Variants in MEOX2 observed in about 807,000 individuals in gnomAD.
The protein encoded by MEOX2 is homeobox protein MOX-2.
MEOX2 carries 11 observed loss-of-function variants against 27.0 expected under a neutral mutation model. The observed-to-expected ratio is 0.41, with a 90% CI of 0.26 to 0.68. The LOEUF (loss-of-function observed/expected upper bound fraction) is 0.68, where lower values mean the gene tolerates loss of function less well. Ranked by LOEUF, MEOX2 falls within the 30% of genes least tolerant of loss-of-function variation. MEOX2 has a pLI of 0.33. For synonymous variants in MEOX2, 189 were observed against 155.4 expected (o/e 1.22, Z -1.61); for missense variants, 436 against 385.4 (o/e 1.13, Z -1.10).
chr7:15,634,164 A>G (rs956727219), intron 1 of MEOX2, among the ~76,000 whole-genome samples: 3 of 151,990 alleles, frequency 2.0e-5, no homozygotes, highest in African/African-American at 4.8e-5. Flanking sequence ...ATACGAAGTG[A>G]AGGAACATAT....
chr7:15,627,052 C>A, intron 1 of MEOX2, 134 bp from the exon 2 acceptor site: 2 of 743,176 alleles, frequency 2.7e-6, no homozygotes, highest in East Asian at 2.7e-5. Context: ...CCAAAGACAG[C>A]AAGACTGACG....
chr7:15,624,191 C>T (rs1349813627), intron 2 of MEOX2, among the ~76,000 whole-genome samples: 1 of 152,108 alleles, frequency 6.6e-6, no homozygotes, highest in Non-Finnish European at 1.5e-5. Context: ...TTTTGACTAA[C>T]CCAGGGAGGC....
chr7:15,643,696 C>T (rs1781597920), intron 1 of MEOX2, among the ~76,000 whole-genome samples: 1 of 152,184 alleles, frequency 6.6e-6, no homozygotes, highest in South Asian at 2.1e-4. Flanking sequence ...CTTCACATTA[C>T]AGTTTCATGA....
At chr7:15,640,683 A>G (rs1322253093) in intron 1 of MEOX2, among the ~76,000 whole-genome samples, 1 of 152,058 alleles carries the variant, frequency 6.6e-6, no homozygotes, top group Non-Finnish European at 1.5e-5. Flanking sequence ...GGCTCTTAGT[A>G]TTTTGAAGTA....
intron 1 of MEOX2, among the ~76,000 whole-genome samples, chr7:15,653,378 G>C (rs367792418): frequency 1.3e-5 from 2 of 151,578 alleles, no homozygotes; most frequent in Admixed American, 6.6e-5. Flanking sequence ...TTTGATGTTC[G>C]TCCTTTATCA....
At chr7:15,672,709 G>A (rs1006445745) in intron 1 of MEOX2, among the ~76,000 whole-genome samples, 2 of 151,882 alleles carry the variant, frequency 1.3e-5, no homozygotes, top group Non-Finnish European at 2.9e-5. Flanking sequence ...TGGCTAAAAT[G>A]GTGAAACCCC....
At chr7:15,627,810 C>CACACACACACACACACACAT (rs1781339436) in intron 1 of MEOX2, among the ~76,000 whole-genome samples, 2 of 151,520 alleles carry the variant, frequency 1.3e-5, no homozygotes, top group South Asian at 2.1e-4. Context: ...CAATAGTAAA[C>CACACACACACACACACACAT]ACACACACAC....
At chr7:15,662,867 A>G (rs897657243) in intron 1 of MEOX2, among the ~76,000 whole-genome samples, 1 of 152,202 alleles carries the variant, frequency 6.6e-6, no homozygotes, top group Non-Finnish European at 1.5e-5. Context: ...AAACCAATCA[A>G]TGATTCCCAT....
At chr7:15,649,433 T>C (rs1334067519) in intron 1 of MEOX2, among the ~76,000 whole-genome samples, 1 of 152,004 alleles carries the variant, frequency 6.6e-6, no homozygotes, top group Admixed American at 6.6e-5. Context: ...CTATGGATGA[T>C]GAAAGATGGA....
chr7:15,627,918 TTAATGCTC>T (rs2115361237), intron 1 of MEOX2, among the ~76,000 whole-genome samples: 1 of 151,894 alleles, frequency 6.6e-6, no homozygotes, highest in Non-Finnish European at 1.5e-5. Context: ...AAAGGGCACA[TTAATGCTC>T]TCCTGAAAAT....
At position 15,686,606 on chromosome 7, in the gene MEOX2, G is replaced by T. The variant is rs1782392665; in HGVS notation, c.-204C>A. 3 of 587,480 alleles carry T rather than the reference G, an allele frequency of 5.1e-6. No homozygotes were observed. In the African/African-American group the frequency reaches 5.6e-5, roughly 11 times the overall value. 36.4% of individuals were successfully genotyped at this position (587,480 alleles called of 1,614,324 possible). On this transcript the variant is annotated 5_prime_UTR_variant, in exon 1 of 3. Transcript: ENST00000262041. Reference sequence around the variant, plus strand: ...TACATATGAACAGTCGGACCTGGAAGAGCTTCCCTGAGCTACTCAGATGTC... The same window carrying T: ...TACATATGAACAGTCGGACCTGGAATAGCTTCCCTGAGCTACTCAGATGTC...
At chr7:15,653,611 T>A (rs1781773887) in intron 1 of MEOX2, among the ~76,000 whole-genome samples, 1 of 152,046 alleles carries the variant, frequency 6.6e-6, no homozygotes, top group African/African-American at 2.4e-5. Flanking sequence ...CATAAGTGAA[T>A]GTTTTGCATT....
At chr7:15,620,457 A>G (rs567001488) in intron 2 of MEOX2, among the ~76,000 whole-genome samples, 1 of 151,902 alleles carries the variant, frequency 6.6e-6, no homozygotes, top group Non-Finnish European at 1.5e-5. Context: ...AGTCCCAACT[A>G]CTCTACTCGG....
chr7:15,638,981 C>A lies in MEOX2; in HGVS notation c.518-12063G>T, dbSNP rs75991219. On this transcript the variant is annotated intron_variant, in intron 1 of 2. Transcript: ENST00000262041. ...GACTTTTTGATACAATTATTCCTTT[C>A]CCTTTGGGTAGATACCCGGTAGTGG... Among the ~76,000 whole-genome samples, 869 of 152,096 alleles carry A rather than the reference C, an allele frequency of 5.7e-3. 9 individuals are homozygous for A. Among genetic ancestry groups the A allele is most frequent in the African/African-American group, 0.02 (820 of 41,530 alleles).
chr7:15,646,225 G>A (rs1408450398), intron 1 of MEOX2, among the ~76,000 whole-genome samples: 1 of 151,958 alleles, frequency 6.6e-6, no homozygotes, highest in African/African-American at 2.4e-5. Context: ...GAACAAATGG[G>A]ATAATATACG....
chr7:15,680,266 A>G (rs1445733291), intron 1 of MEOX2: 1 of 151,970 alleles, frequency 6.6e-6, no homozygotes, highest in Non-Finnish European at 1.5e-5. Flanking sequence ...GGATCAATAG[A>G]TACATTATTG....
intron 2 of MEOX2, among the ~76,000 whole-genome samples, chr7:15,618,740 T>C (rs1049322797): frequency 6.6e-6 from 1 of 151,886 alleles, no homozygotes; most frequent in African/African-American, 2.4e-5. Flanking sequence ...TTTATCAGAA[T>C]CTATGTGACA....
chr7:15,677,778 A>C (rs1482863416), intron 1 of MEOX2: 1 of 152,182 alleles, frequency 6.6e-6, no homozygotes, highest in Non-Finnish European at 1.5e-5. Context: ...GCCATCATCA[A>C]ACTCTCTTCA....
chr7:15,671,276 A>G (rs919755291), intron 1 of MEOX2, among the ~76,000 whole-genome samples: 19 of 152,348 alleles, frequency 1.2e-4, no homozygotes, highest in African/African-American at 4.3e-4. Flanking sequence ...GATAAATTAA[A>G]GAAGCATGGA....
Sources: allele counts gnomAD v4.1 joint callset (sites outside exome capture counted in the v4.1 genomes callset), GRCh38; gene constraint gnomAD v4.1.1; transcripts MANE v1.5; gene names NCBI Gene and HGNC (gene_info 2026-07-23, HGNC 2026-07-21).